Variants in TES observed in about 807,000 individuals in gnomAD.
TES encodes the protein testin LIM domain protein.
A neutral mutation model predicts 48.2 loss-of-function variants in TES; 41 were observed. That is an observed-to-expected ratio of 0.85 (90% confidence interval 0.66 to 1.10). The LOEUF is 1.10. TES is among the 50% of genes least tolerant of loss of function. TES has a pLI of 0.00. For synonymous variants in TES, 162 were observed against 174.9 expected (o/e 0.93, Z 0.58); for missense variants, 463 against 515.1 (o/e 0.90, Z 0.98).
intron 1 of TES, among the ~76,000 whole-genome samples, chr7:116,226,196 T>A (rs544450966): frequency 6.6e-6 from 1 of 152,346 alleles, no homozygotes; most frequent in East Asian, 1.9e-4. Flanking sequence ...AATAAAACTT[T>A]CTAGCACTAT....
intron 3 of TES, chr7:116,249,800 A>AT (rs1280140659): frequency 1.1e-5 from 2 of 175,552 alleles, no homozygotes; most frequent in Admixed American, 1.2e-4. Flanking sequence ...TTGCGATATC[A>AT]TTTTTTATGT....
Position 116,250,162 on chromosome 7 carries a change from C to T in TES, c.368C>T (p.Ala123Val). ...WAPPVQNQALARQYMQMLPKE... is the reference protein window; with the variant it reads ...WAPPVQNQALVRQYMQMLPKE... ...AACATTGGCCTCCTTGTGGTTCAGG[C>T]CAGGCAGTACATGCAGATGCTACCC... The change falls in exon 4 of 7, where the codon GCC (alanine) becomes GTC (valine). Residue 123 changes from alanine (A) to valine (V), a missense_variant and splice_region_variant. Coordinates refer to ENST00000358204, the MANE Select transcript of TES (RefSeq NM_015641.4). The T allele has an allele frequency of 1.3e-6, 2 of 1,523,468 alleles. No individual in the cohort carries two copies. The highest frequency in any genetic ancestry group is 1.8e-6 in the Non-Finnish European group (2 of 1,138,896). The allele number at this position is 1,523,468 out of a possible 1,614,324, so 94.4% of individuals were successfully genotyped here.
chr7:116,231,157 T>C (rs1563008416), intron 1 of TES, among the ~76,000 whole-genome samples: 1 of 152,200 alleles, frequency 6.6e-6, no homozygotes, highest in Non-Finnish European at 1.5e-5. Flanking sequence ...TGAGTAGCTG[T>C]GCAACCAGGA....
At chr7:116,243,168 A>G (rs529568289) in intron 2 of TES, among the ~76,000 whole-genome samples, 1 of 152,266 alleles carries the variant, frequency 6.6e-6, no homozygotes, top group Admixed American at 6.5e-5. Flanking sequence ...GTTTTAAACT[A>G]TAAATTATTT....
At chr7:116,229,012 ATATATATATATATATATATAT>A (rs1799661245) in intron 1 of TES, among the ~76,000 whole-genome samples, 2 of 137,918 alleles carry the variant, frequency 1.5e-5, no homozygotes, top group Non-Finnish European at 3.1e-5. Flanking sequence ...ATATATATAT[ATATATATATATATATATATAT>A]AATCATTTCC....
At chr7:116,225,352 C>T (rs761769801) in intron 1 of TES, among the ~76,000 whole-genome samples, 49 of 152,098 alleles carry the variant, frequency 3.2e-4, no homozygotes, top group Admixed American at 8.5e-4. Context: ...GTCTTGATGA[C>T]AATACCTTTG....
At chr7:116,223,832 T>C (rs1799586710) in intron 1 of TES, among the ~76,000 whole-genome samples, 1 of 152,188 alleles carries the variant, frequency 6.6e-6, no homozygotes, top group Non-Finnish European at 1.5e-5. Context: ...AATATGTCTG[T>C]CTCGTCACAA....
At position 116,251,719 on chromosome 7, in the gene TES, T is replaced by A. The variant is rs748704993; in HGVS notation, c.703-41T>A. The A allele has an allele frequency of 3.3e-6, 5 of 1,527,244 alleles. No individual in the cohort carries two copies. In the South Asian group the frequency reaches 5.7e-5, roughly 17 times the overall value. The allele number at this position is 1,527,244 out of a possible 1,614,324, so 94.6% of individuals were successfully genotyped here. The stretch of plus-strand genomic sequence containing the variant: ...AAGAAAGAAAGAAAAGAAATGGCAG[T>A]CTTCTAATGACTAGGTTGTTCTGGA... On this transcript the variant is annotated intron_variant, in intron 4 of 6. Coordinates refer to ENST00000358204, the MANE Select transcript of TES (RefSeq NM_015641.4).
At chr7:116,216,946 A>G (rs1371570517) in intron 1 of TES, among the ~76,000 whole-genome samples, 1 of 152,136 alleles carries the variant, frequency 6.6e-6, no homozygotes, top group Non-Finnish European at 1.5e-5. Flanking sequence ...AATAATTTTA[A>G]AAGATTAAAA....
chr7:116,253,504 C>A (rs1014541747), intron 6 of TES, among the ~76,000 whole-genome samples: 1 of 152,118 alleles, frequency 6.6e-6, no homozygotes, highest in African/African-American at 2.4e-5. Flanking sequence ...AAAAGCTACC[C>A]ACCATAATGA....
At chr7:116,224,335 GT>G (rs1162658569) in intron 1 of TES, among the ~76,000 whole-genome samples, 1 of 152,170 alleles carries the variant, frequency 6.6e-6, no homozygotes, top group Non-Finnish European at 1.5e-5. Context: ...GAATACAGAG[GT>G]GTTCCATTAT....
At chr7:116,235,821 A>G (rs1238766297) in intron 2 of TES, among the ~76,000 whole-genome samples, 1 of 152,254 alleles carries the variant, frequency 6.6e-6, no homozygotes, top group South Asian at 2.1e-4. Flanking sequence ...AGATGTGTAC[A>G]GTGTAAATTA....
intron 3 of TES, chr7:116,249,670 TA>T (rs1221085809): frequency 5.6e-6 from 1 of 177,112 alleles, no homozygotes; most frequent in African/African-American, 2.4e-5. Flanking sequence ...TCATTTCCTT[TA>T]TTAATACTAT....
At chr7:116,252,704 G>A (rs1351928549) in intron 6 of TES, 1 of 553,722 alleles carries the variant, frequency 1.8e-6, no homozygotes, top group Non-Finnish European at 3.2e-6. Context: ...TCAATTATAG[G>A]TACTGCTTAA....
At chr7:116,217,920 G>C (rs763866380) in intron 1 of TES, 1 of 511,738 alleles carries the variant, frequency 2.0e-6, no homozygotes, top group East Asian at 5.5e-5. Flanking sequence ...GAGCGATAAG[G>C]ATATGCATGA....
In TES at chr7:116,257,647, C is replaced by T. The variant is rs1454188251; in HGVS notation, c.*165C>T. On this transcript the variant is annotated 3_prime_UTR_variant, in exon 7 of 7. Transcript: ENST00000358204. ...CATTTTTTCTTCATCAATTTTTTTT[C>T]GGTCTCAACTTTTAAACTTGGTTTA... The T allele has an allele frequency of 9.2e-6, 5 of 540,650 alleles. No individual in the cohort carries two copies. Among genetic ancestry groups the T allele is most frequent in the South Asian group, 4.3e-5 (1 of 23,222 alleles). The allele number at this position is 540,650 out of a possible 1,614,324, so 33.5% of individuals were successfully genotyped here.
chr7:116,250,649 AC>A (rs1799993826), intron 4 of TES, among the ~76,000 whole-genome samples, 153 bp downstream of exon 4: 1 of 152,218 alleles, frequency 6.6e-6, no homozygotes, highest in Non-Finnish European at 1.5e-5. Context: ...TAGACTTCCC[AC>A]AGAGGGTCAT....
At chr7:116,219,112 G>T (rs1355419793) in intron 1 of TES, among the ~76,000 whole-genome samples, 1 of 152,024 alleles carries the variant, frequency 6.6e-6, no homozygotes, top group Non-Finnish European at 1.5e-5. Flanking sequence ...TGTGTGGGTT[G>T]CGATTATTTT....
chr7:116,240,027 T>C (rs953262605), intron 2 of TES, among the ~76,000 whole-genome samples: 13 of 152,240 alleles, frequency 8.5e-5, no homozygotes, highest in Non-Finnish European at 1.8e-4. Context: ...GTTACTTGAT[T>C]ATAACATACA....
Sources: gnomAD v4.1 joint callset for allele counts (sites outside exome capture counted in the v4.1 genomes callset) on GRCh38, gnomAD v4.1.1 for gene constraint, MANE v1.5 for transcripts, NCBI Gene and HGNC (gene_info 2026-07-23, HGNC 2026-07-21) for gene names.